Variants in KALRN observed in about 807,000 individuals in gnomAD.
KALRN encodes kalirin RhoGEF kinase.
In KALRN, 70 loss-of-function variants were observed where a neutral mutation model predicts 353.7. That is an observed-to-expected ratio of 0.20 (90% CI 0.16 to 0.24). The LOEUF (loss-of-function observed/expected upper bound fraction) is 0.24, where lower values mean the gene tolerates loss of function less well. Ranked by LOEUF, KALRN falls within the 10% of genes least tolerant of loss-of-function variation. The pLI, the probability that KALRN is intolerant of heterozygous loss-of-function variation, is 1.00. For missense variants in KALRN, 2,791 were observed against 3,756.7 expected, an observed-to-expected ratio of 0.74 and a Z score of 6.72; for synonymous variants, 1,391 against 1,434.8, an observed-to-expected ratio of 0.97 and a Z score of 0.69.
chr3:124,212,199 A>G (rs1400896876), intron 1 of KALRN, among the ~76,000 whole-genome samples: 1 of 151,452 alleles, frequency 6.6e-6, no homozygotes, highest in Non-Finnish European at 1.5e-5. Flanking sequence ...TTTGTTGTAG[A>G]AAGTTTGAAA....
At chr3:124,674,709 G>A in intron 49 of KALRN, 95 bp downstream of exon 49, 1 of 1,303,930 alleles carries the variant, frequency 7.7e-7, no homozygotes, top group Non-Finnish European at 1.0e-6. Context: ...CACATGGTAG[G>A]GAATTACTAC....
At chr3:124,469,153 A>G (rs1193144983) in intron 25 of KALRN, among the ~76,000 whole-genome samples, 2 of 152,246 alleles carry the variant, frequency 1.3e-5, no homozygotes, top group Non-Finnish European at 2.9e-5. Context: ...TCATCTGATC[A>G]CACAAATTAG....
chr3:124,334,116 G>A lies in KALRN; in HGVS notation c.1417-149G>A, dbSNP rs2149460592. On this transcript the variant is annotated intron_variant, in intron 8 of 59. Coordinates refer to ENST00000682506, the MANE Select transcript of KALRN (RefSeq NM_001388419.1). The surrounding 1 kb of genome is among the most constrained non-coding windows in gnomAD (Gnocchi z 4.2). ...ACCAGGCCGGAGGATGGGCCCCATG[G>A]CAGCTCTGGCTGGCTAGGTGTCTGG... is the stretch of plus-strand genomic sequence containing the variant. 5.9e-6 allele frequency: 4 copies of A among 676,708 alleles called. No individual in the cohort carries two copies. The highest frequency in any genetic ancestry group is 7.7e-6 in the Non-Finnish European group (3 of 389,158). The allele number at this position is 676,708 out of a possible 1,614,324, so 41.9% of individuals were successfully genotyped here.
intron 1 of KALRN, among the ~76,000 whole-genome samples, chr3:124,044,532 T>C (rs930193215): frequency 1.3e-5 from 2 of 150,566 alleles, no homozygotes; most frequent in African/African-American, 4.9e-5. Flanking sequence ...AAGAATCACT[T>C]GAACCCAGGA....
chr3:124,338,823 G>A (rs2081393493), intron 9 of KALRN, among the ~76,000 whole-genome samples: 2 of 152,104 alleles, frequency 1.3e-5, no homozygotes, highest in South Asian at 4.2e-4. Context: ...CTCCTGTATT[G>A]GATGCAAGGA....
At chr3:124,136,854 T>C (rs1445126956) in intron 1 of KALRN, among the ~76,000 whole-genome samples, 2 of 152,174 alleles carry the variant, frequency 1.3e-5, no homozygotes, top group African/African-American at 4.8e-5. Flanking sequence ...ACACTGCTCT[T>C]TAAAGTTACT....
chr3:124,327,932 G>A (rs2080089213), intron 7 of KALRN, among the ~76,000 whole-genome samples: 1 of 152,218 alleles, frequency 6.6e-6, no homozygotes, highest in Admixed American at 6.5e-5. Flanking sequence ...ACCATTCTGA[G>A]CTTGTTTCCT....
rs1162024917 is a variant in KALRN, at chr3:124,334,585, G to T, written c.1647+90G>T. 3.7e-6 allele frequency: 3 copies of T among 820,522 alleles called. No individual in the cohort carries two copies. Among genetic ancestry groups the T allele is most frequent in the African/African-American group, 1.7e-5 (1 of 58,260 alleles). 50.8% of individuals were successfully genotyped at this position (820,522 alleles called of 1,614,324 possible). ...GACCTAGGTGATCAGGCTTAGGAGA[G>T]CCCAGATTTATAGAAGGACATAATG... On this transcript the variant is annotated intron_variant, in intron 9 of 59. Coordinates refer to ENST00000682506, the MANE Select transcript of KALRN (RefSeq NM_001388419.1). This position sits in a 1 kb window ranked among gnomAD's most constrained non-coding sequence, Gnocchi z 4.2.
At chr3:124,552,003 T>A (rs2070599448) in intron 33 of KALRN, among the ~76,000 whole-genome samples, 2 of 152,198 alleles carry the variant, frequency 1.3e-5, no homozygotes, top group South Asian at 4.1e-4. Context: ...AATTTCCTCA[T>A]CTATAAAATT....
chr3:124,196,048 G>A (rs1295599076), intron 1 of KALRN, among the ~76,000 whole-genome samples: 2 of 152,154 alleles, frequency 1.3e-5, no homozygotes, highest in Non-Finnish European at 2.9e-5. Flanking sequence ...GGATTAGGGT[G>A]TTTTCCGTGA....
chr3:124,686,303 C>T (rs1270894774), intron 51 of KALRN, among the ~76,000 whole-genome samples: 1 of 152,200 alleles, frequency 6.6e-6, no homozygotes, highest in African/African-American at 2.4e-5. Context: ...GAGCTCCCAA[C>T]AACATCATCA....
At chr3:124,629,793 A>AT (rs754729498) in intron 34 of KALRN, among the ~76,000 whole-genome samples, 38,404 of 128,816 alleles carry the variant, frequency 0.3, 5,308 homozygotes, top group Middle Eastern at 0.47. Flanking sequence ...TTGCTTTTTC[A>AT]TTTTTTCTCT....
At chr3:124,289,710 A>G (rs945873913) in intron 5 of KALRN, among the ~76,000 whole-genome samples, 1 of 152,194 alleles carries the variant, frequency 6.6e-6, no homozygotes. Context: ...TATCTTCATC[A>G]CTTACAAGCT....
chr3:124,455,429 C>T (rs2059210196), intron 22 of KALRN, 70 bp downstream of exon 22: 2 of 1,436,832 alleles, frequency 1.4e-6, no homozygotes. Context: ...CCCTCATCGC[C>T]ATGGAAGAAA....
intron 17 of KALRN, among the ~76,000 whole-genome samples, chr3:124,436,953 C>G (rs535144922): frequency 2.1e-5 from 3 of 143,288 alleles, no homozygotes; most frequent in Admixed American, 2.1e-4. Context: ...TCATGTGATG[C>G]TAGAGATGGG....
At chr3:124,649,491 G>C (rs1420847095) in intron 37 of KALRN, among the ~76,000 whole-genome samples, 1 of 152,106 alleles carries the variant, frequency 6.6e-6, no homozygotes, top group East Asian at 1.9e-4. Flanking sequence ...GAGCAGTTTA[G>C]GGCCAGACAC....
intron 51 of KALRN, 66 bp from the exon 52 acceptor site, chr3:124,693,738 G>A: frequency 2.8e-6 from 3 of 1,077,652 alleles, no homozygotes; most frequent in South Asian, 2.9e-5. Flanking sequence ...TCAATACGGT[G>A]AAGTCCCTTG....
At chr3:124,239,415 G>A (rs1157826926) in intron 3 of KALRN, among the ~76,000 whole-genome samples, 2 of 152,114 alleles carry the variant, frequency 1.3e-5, no homozygotes, top group Non-Finnish European at 2.9e-5. Flanking sequence ...CCTTCTTTCT[G>A]TGACTCCTAA....
intron 34 of KALRN, among the ~76,000 whole-genome samples, chr3:124,586,001 T>A (rs543645846): frequency 6.6e-6 from 1 of 152,168 alleles, no homozygotes; most frequent in Non-Finnish European, 1.5e-5. Context: ...TGAGCAGATA[T>A]AAGGTTACCA....
Sources: gnomAD v4.1 joint callset for allele counts (sites outside exome capture counted in the v4.1 genomes callset) on GRCh38, gnomAD v4.1.1 for gene constraint, Gnocchi (gnomAD v3.1) non-coding constraint, MANE v1.5 for transcripts, NCBI Gene and HGNC (gene_info 2026-07-23, HGNC 2026-07-21) for gene names.